Variants in CCDC90B observed in about 807,000 individuals in gnomAD.
The protein encoded by CCDC90B is coiled-coil domain-containing protein 90B, mitochondrial.
In CCDC90B, 24 loss-of-function variants were observed where a neutral mutation model predicts 37.0. The observed-to-expected ratio is 0.65, with a 90% CI of 0.47 to 0.91. CCDC90B has a LOEUF of 0.91. CCDC90B is among the 40% of genes least tolerant of loss of function. The pLI, the probability that CCDC90B is intolerant of heterozygous loss-of-function variation, is 0.00. For synonymous variants in CCDC90B, 113 were observed against 101.1 expected, an observed-to-expected ratio of 1.12 and a Z score of -0.71; for missense variants, 319 against 299.0, an observed-to-expected ratio of 1.07 and a Z score of -0.49.
Position 83,285,948 on chromosome 11 carries a change from G to C in CCDC90B, c.25C>G (p.Leu9Val). The C allele has an allele frequency of 6.2e-7, 1 of 1,612,540 alleles. No homozygotes were observed. Among genetic ancestry groups the C allele is most frequent in the Non-Finnish European group, 8.5e-7 (1 of 1,179,494 alleles). Reference sequence around the variant, plus strand: ...TCTCCTCTGCCTTGGGAGAGAAAGAGCCGCCAAGCCTGGCGACTATTCATG... The same window carrying C: ...TCTCCTCTGCCTTGGGAGAGAAAGACCCGCCAAGCCTGGCGACTATTCATG... MNSRQAWR[L>V]FLSQGRGDRW... The change falls in exon 1 of 9, where the codon CTC becomes GTC. Residue 9 changes from leucine to valine, a missense_variant. By Grantham distance (32) the Leu-to-Val change is conservative. Coordinates refer to ENST00000529689, the MANE Select transcript of CCDC90B (RefSeq NM_021825.5).
At chr11:83,282,599 G>C (rs1331717103) in intron 1 of CCDC90B, among the ~76,000 whole-genome samples, 1 of 152,158 alleles carries the variant, frequency 6.6e-6, no homozygotes, top group Admixed American at 6.5e-5. Context: ...AGGGCTCTTT[G>C]ATTTTAATTC....
In CCDC90B at chr11:83,283,602, A is replaced by G. The variant is rs532844857; in HGVS notation, c.100+2271T>C. On this transcript the variant is annotated intron_variant, in intron 1 of 8. Coordinates refer to ENST00000529689, the MANE Select transcript of CCDC90B (RefSeq NM_021825.5). ...ACTGGAAAAACCATTGGATATTCATAGTAGGGTGTCATAATCACTATTCCA... is the reference window on the plus strand; with the variant it reads ...ACTGGAAAAACCATTGGATATTCATGGTAGGGTGTCATAATCACTATTCCA... Among the ~76,000 whole-genome samples, 4 of 152,366 alleles carry G rather than the reference A, an allele frequency of 2.6e-5. 1 individual carries two copies. Among genetic ancestry groups the G allele is most frequent in the South Asian group, 4.1e-4 (2 of 4,828 alleles).
At chr11:83,280,625 T>G (rs1191456931) in intron 1 of CCDC90B, among the ~76,000 whole-genome samples, 1 of 152,254 alleles carries the variant, frequency 6.6e-6, no homozygotes, top group African/African-American at 2.4e-5. Flanking sequence ...AGTAATAGTC[T>G]TTCAAAGAGC....
At chr11:83,283,713 G>A (rs1373633185) in intron 1 of CCDC90B, among the ~76,000 whole-genome samples, 1 of 152,218 alleles carries the variant, frequency 6.6e-6, no homozygotes, top group Non-Finnish European at 1.5e-5. Context: ...TGTAATCCTA[G>A]CACTTTGGGA....
intron 3 of CCDC90B, among the ~76,000 whole-genome samples, chr11:83,276,022 G>T (rs1339689690): frequency 6.6e-6 from 1 of 152,200 alleles, no homozygotes; most frequent in Non-Finnish European, 1.5e-5. Context: ...TATTAATGTG[G>T]AGGAAGTTTG....
At chr11:83,267,904 G>C (rs1033220007) in intron 7 of CCDC90B, among the ~76,000 whole-genome samples, 1 of 152,178 alleles carries the variant, frequency 6.6e-6, no homozygotes, top group Admixed American at 6.5e-5. Flanking sequence ...GACTAACAGC[G>C]GACCTCTTGG....
intron 7 of CCDC90B, among the ~76,000 whole-genome samples, chr11:83,271,721 T>A (rs947581282): frequency 1.3e-5 from 2 of 152,194 alleles, no homozygotes; most frequent in African/African-American, 4.8e-5. Flanking sequence ...TCCTCAAGGA[T>A]CTAGAACTAG....
intron 1 of CCDC90B, chr11:83,285,603 A>C: frequency 7.6e-7 from 1 of 1,314,726 alleles, no homozygotes; most frequent in Admixed American, 3.7e-5. Context: ...CAAAAAACGG[A>C]AACAACGGCT....
Position 83,285,109 on chromosome 11 carries a change from C to T in CCDC90B, c.100+764G>A, listed in dbSNP as rs1865602401. 3.3e-6 allele frequency: 4 copies of T among 1,219,336 alleles called. No homozygotes were observed. The Admixed American group carries it at 1.4e-4, about 44-fold the overall frequency. 75.5% of individuals were successfully genotyped at this position (1,219,336 alleles called of 1,614,324 possible). ...ATAACAGCGTAGAAGTGTTTGGGTA[C>T]CGAATGGCTCAGCGTACCTGGCACT... is the stretch of plus-strand genomic sequence containing the variant. On this transcript the variant is annotated intron_variant, in intron 1 of 8. Transcript: ENST00000529689.
chr11:83,281,404 G>C (rs1329990088), intron 1 of CCDC90B, among the ~76,000 whole-genome samples: 10 of 151,826 alleles, frequency 6.6e-5, no homozygotes, highest in Admixed American at 6.6e-4. Flanking sequence ...TGGACTAGAA[G>C]GCAGGAAACA....
At chr11:83,262,136 G>A (rs1863964469) in intron 8 of CCDC90B, among the ~76,000 whole-genome samples, 170 bp from the exon 9 acceptor site, 1 of 152,076 alleles carries the variant, frequency 6.6e-6, no homozygotes, top group Non-Finnish European at 1.5e-5. Flanking sequence ...ATTCTTAAGG[G>A]CAGCCTTAAT....
At chr11:83,267,750 T>TA (rs1345361140) in intron 7 of CCDC90B, among the ~76,000 whole-genome samples, 1 of 151,948 alleles carries the variant, frequency 6.6e-6, no homozygotes, top group Admixed American at 6.6e-5. Context: ...ATTCAGGAAA[T>TA]ACAAAGAACA....
intron 2 of CCDC90B, among the ~76,000 whole-genome samples, chr11:83,279,099 C>T (rs2846425): frequency 0.54 from 82,229 of 151,740 alleles, 23,103 homozygotes; most frequent in Middle Eastern, 0.66. Context: ...CTGGCTAACA[C>T]GGTGAAACCC....
At chr11:83,268,124 C>G (rs377597844) in intron 7 of CCDC90B, among the ~76,000 whole-genome samples, 1 of 152,152 alleles carries the variant, frequency 6.6e-6, no homozygotes, top group East Asian at 1.9e-4. Flanking sequence ...TGGAAAGGAA[C>G]AACCAGTACC....
chr11:83,279,949 A>G (rs1001747645), intron 2 of CCDC90B, among the ~76,000 whole-genome samples, 192 bp downstream of exon 2: 4 of 152,232 alleles, frequency 2.6e-5, no homozygotes, highest in African/African-American at 4.8e-5. Flanking sequence ...TTCAATTAAC[A>G]TATCTTGAAC....
Position 83,271,568 on chromosome 11 carries a change from C to A in CCDC90B, c.594+2079G>T, listed in dbSNP as rs542101114. Among the ~76,000 whole-genome samples, 227 of 152,284 alleles carry A rather than the reference C, an allele frequency of 1.5e-3. 1 individual carries two copies. Among genetic ancestry groups the A allele is most frequent in the African/African-American group, 5.1e-3 (212 of 41,562 alleles). ...TGCAAACCAAAACCACAATGAGATACCATCTCACACCAGTTGGAATGGCAG... is the reference window on the plus strand; with the variant it reads ...TGCAAACCAAAACCACAATGAGATAACATCTCACACCAGTTGGAATGGCAG... On this transcript the variant is annotated intron_variant, in intron 7 of 8. Coordinates refer to ENST00000529689, the MANE Select transcript of CCDC90B (RefSeq NM_021825.5).
intron 8 of CCDC90B, among the ~76,000 whole-genome samples, chr11:83,264,955 T>C (rs530076343): frequency 4.8e-5 from 5 of 103,568 alleles, no homozygotes; most frequent in Non-Finnish European, 9.1e-5. Flanking sequence ...CTGGGGACTG[T>C]TGTGGGGTGG....
chr11:83,261,915 T>C lies in CCDC90B; in HGVS notation c.761A>G (p.Lys254Arg), dbSNP rs926889198. Reference protein sequence around the residue: ...AIALGFYRFWK With the variant: ...AIALGFYRFWR ...ACAGCAGGATGAGCATTAATACTACTTCCAGAATCTATAAAATCCCAATGC... is the reference window on the plus strand; with the variant it reads ...ACAGCAGGATGAGCATTAATACTACCTCCAGAATCTATAAAATCCCAATGC... Residue 254 changes from lysine (K) to arginine (R), a missense_variant, in exon 9 of 9, where the codon AAG (lysine) becomes AGG (arginine). Coordinates refer to ENST00000529689, the MANE Select transcript of CCDC90B (RefSeq NM_021825.5). 1 of 1,603,728 alleles carries C rather than the reference T, an allele frequency of 6.2e-7. No homozygotes were observed. The highest frequency in any genetic ancestry group is 8.5e-7 in the Non-Finnish European group (1 of 1,174,420).
chr11:83,278,869 T>A (rs768913821), intron 2 of CCDC90B, 40 bp from the exon 3 acceptor site: 3 of 1,159,784 alleles, frequency 2.6e-6, no homozygotes, highest in South Asian at 2.5e-5. Context: ...TTTTAAAGTG[T>A]ATATCCTTAT....
Sources: gnomAD v4.1 joint callset for allele counts (sites outside exome capture counted in the v4.1 genomes callset) on GRCh38, gnomAD v4.1.1 for gene constraint, MANE v1.5 for transcripts, NCBI Gene and HGNC (gene_info 2026-07-23, HGNC 2026-07-21) for gene names.